KPNA2: variants seen among roughly 807,000 people sequenced by gnomAD.
KPNA2 encodes importin subunit alpha-1.
In KPNA2, 20 loss-of-function variants were observed where a neutral mutation model predicts 53.7. The ratio of observed to expected loss-of-function variants is 0.37; its 90% CI spans 0.26 to 0.54. The LOEUF is 0.54. Among genes scored for constraint, KPNA2 ranks in the 20% least tolerant of loss-of-function variants. The probability of loss-of-function intolerance (pLI) is 0.83; values close to 1 mark genes in which losing one functional copy is unlikely to be tolerated. For synonymous variants in KPNA2, 238 were observed against 227.5 expected, an observed-to-expected ratio of 1.05 and a Z score of -0.42; for missense variants, 515 against 640.3, an observed-to-expected ratio of 0.80 and a Z score of 2.11.
At chr17:68,039,783 A>G (rs141371263) in intron 3 of KPNA2, among the ~76,000 whole-genome samples, 1,850 of 147,328 alleles carry the variant, frequency 0.013, 36 homozygotes, top group African/African-American at 0.044. Flanking sequence ...TCTGTCTCCA[A>G]AAAAAAAAGT....
chr17:68,037,244 A>G (rs1555703898), intron 2 of KPNA2, 37 bp downstream of exon 2: 2 of 1,590,184 alleles, frequency 1.3e-6, no homozygotes, highest in Non-Finnish European at 1.7e-6. Context: ...GGTGGTATTT[A>G]AATGGGAAGA....
At chr17:68,043,730 T>C (rs1265769953) in intron 7 of KPNA2, 108 bp from the exon 8 acceptor site, 1 of 708,662 alleles carries the variant, frequency 1.4e-6, no homozygotes, top group African/African-American at 1.8e-5. Flanking sequence ...TATTGAAATA[T>C]TGCCTATTTC....
intron 3 of KPNA2, 147 bp downstream of exon 3, chr17:68,037,642 T>TTGTCTTCTTTCCTGCC: frequency 2.5e-6 from 2 of 792,004 alleles, no homozygotes; most frequent in South Asian, 3.6e-5. Flanking sequence ...CAATTAGTAA[T>TTGTCTTCTTTCCTGCC]TGTCTTCTTT....
At chr17:68,045,688 A>G in intron 9 of KPNA2, 84 bp from the exon 10 acceptor site, 2 of 1,008,998 alleles carry the variant, frequency 2.0e-6, no homozygotes, top group South Asian at 4.0e-5. Flanking sequence ...TGCCTGACGT[A>G]TCAATATTCA....
At position 68,040,828 on chromosome 17, in the gene KPNA2, G is replaced by GA. The variant is rs1356549142; in HGVS notation, c.302+62_302+63insA. The GA allele has an allele frequency of 3.1e-5, 22 of 710,834 alleles. No homozygotes were observed. The Admixed American group carries it at 5.7e-4, about 18-fold the overall frequency. 44.0% of individuals were successfully genotyped at this position (710,834 alleles called of 1,614,324 possible). A position where few individuals can be genotyped will look rare whatever the true frequency, so the allele number is the denominator to read the frequency against. On this transcript the variant is annotated intron_variant, in intron 4 of 10. Transcript: ENST00000330459. The stretch of plus-strand genomic sequence containing the variant: ...AATTTGTGTTTTTAGATTTTTTTTT[G>GA]GGGGGTGGGGCAGGAAGGGACAGAC...
At chr17:68,046,448 G>C in intron 10 of KPNA2, 56 bp from the exon 11 acceptor site, 1 of 1,061,536 alleles carries the variant, frequency 9.4e-7, no homozygotes, top group Non-Finnish European at 1.4e-6. Context: ...CTTCAGGTAG[G>C]CTGCTGCTTG....
intron 5 of KPNA2, among the ~76,000 whole-genome samples, chr17:68,042,678 T>A (rs568167677): frequency 4.3e-4 from 65 of 152,024 alleles, no homozygotes; most frequent in Non-Finnish European, 6.8e-4. Flanking sequence ...GTCAGGAGAT[T>A]GAGACCATCC....
At position 68,042,260 on chromosome 17, in the gene KPNA2, G is replaced by C; in HGVS notation, c.478G>C (p.Asp160His). The change falls in exon 5 of 11, where the codon GAT becomes CAT. Residue 160 changes from aspartate to histidine, a missense_variant. Coordinates refer to ENST00000330459, the MANE Select transcript of KPNA2 (RefSeq NM_002266.4). ...GTSEQTKAVV[D>H]GGAIPAFISL... The stretch of plus-strand genomic sequence containing the variant: ...ATCAGAACAAACCAAGGCTGTGGTA[G>C]ATGGAGGTGCCATCCCAGCATTCAT... 1.2e-6 allele frequency: 2 copies of C among 1,614,140 alleles called. No homozygotes were observed. The highest frequency in any genetic ancestry group is 1.7e-6 in the Non-Finnish European group (2 of 1,180,030).
At position 68,043,953 on chromosome 17, in the gene KPNA2, C is replaced by G. The variant is rs1555705037; in HGVS notation, c.1046C>G (p.Thr349Ser). The change falls in exon 8 of 11, where the codon ACT becomes AGT. Residue 349 changes from threonine (T) to serine (S), a missense_variant. Thr to Ser is a moderately conservative substitution (Grantham distance 58). Transcript: ENST00000330459. ...VFPSLLTNPK[T>S]NIQKEATWTM... ...CCCAGCCTGCTCACCAACCCCAAAA[C>G]TAACATTCAGAAGGAAGCTACGTGG... 1 of 1,613,758 alleles carries G rather than the reference C, an allele frequency of 6.2e-7. No homozygotes were observed. The highest frequency in any genetic ancestry group is 2.2e-5 in the East Asian group (1 of 44,888).
chr17:68,038,040 G>C (rs1270351712), intron 3 of KPNA2, among the ~76,000 whole-genome samples: 1 of 151,964 alleles, frequency 6.6e-6, no homozygotes, highest in African/African-American at 2.4e-5. Context: ...GCAGTGGTGC[G>C]ATCTCCGCTC....
Position 68,043,168 on chromosome 17 carries a change from G to A in KPNA2, c.735G>A (p.Pro245=), listed in dbSNP as rs782575040. The change falls in exon 7 of 11, where the codon CCG becomes CCA. Residue 245 remains proline (P), a synonymous_variant. Transcript: ENST00000330459. ...GCCGCAACAAGAATCCTGCACCCCC[G>A]ATAGATGCTGTTGAGCAGATTCTTC... ...NLCRNKNPAP[P]IDAVEQILPT... 2 of 1,613,996 alleles carry A rather than the reference G, an allele frequency of 1.2e-6. No homozygotes were observed. The highest frequency in any genetic ancestry group is 4.5e-5 in the East Asian group (2 of 44,874).
chr17:68,040,771 G>A lies in KPNA2; in HGVS notation c.302+5G>A. The A allele has an allele frequency of 1.3e-6, 2 of 1,582,414 alleles. No homozygotes were observed. Among genetic ancestry groups the A allele is most frequent in the Non-Finnish European group, 8.6e-7 (1 of 1,156,944 alleles). ...CCAAGCTACTCAAGCTGCCAGGTAA[G>A]TCTTGTCTGCGATAGCATGGGTAGC... On this transcript the variant is annotated splice_donor_5th_base_variant and intron_variant, in intron 4 of 10. Transcript: ENST00000330459.
At chr17:68,044,275 T>C (rs2071302081) in intron 8 of KPNA2, 46 bp from the exon 9 acceptor site, 6 of 1,535,914 alleles carry the variant, frequency 3.9e-6, no homozygotes, top group South Asian at 2.4e-5. Context: ...TGGAATCTTA[T>C]TTGTGCAACT....
intron 5 of KPNA2, among the ~76,000 whole-genome samples, chr17:68,042,568 T>G (rs1325673132): frequency 1.3e-5 from 2 of 152,134 alleles, no homozygotes; most frequent in African/African-American, 4.8e-5. Flanking sequence ...AAATTGATGG[T>G]GTTGGACAAG....
Position 68,045,993 on chromosome 17 carries a change from T to C in KPNA2, c.1497+72T>C, listed in dbSNP as rs191421362. The C allele has an allele frequency of 7.0e-6, 7 of 1,002,808 alleles. No individual in the cohort carries two copies. The African/African-American group carries it at 1.1e-4, about 16-fold the overall frequency. 62.1% of individuals were successfully genotyped at this position (1,002,808 alleles called of 1,614,324 possible). A position where few individuals can be genotyped will look rare whatever the true frequency, so the allele number is the denominator to read the frequency against. ...CAAGGCCATAAGCCTTTTTTTCCCT[T>C]TTAAAAATAAGTGTCATATCTTTGT... On this transcript the variant is annotated intron_variant, in intron 10 of 10. Transcript: ENST00000330459.
chr17:68,038,028 G>A (rs562346644), intron 3 of KPNA2, among the ~76,000 whole-genome samples: 12 of 152,092 alleles, frequency 7.9e-5, no homozygotes, highest in African/African-American at 2.4e-4. Context: ...CCAGGCTAGC[G>A]TGCAGTGGTG....
chr17:68,042,869 A>G, intron 5 of KPNA2, 36 bp from the exon 6 acceptor site: 1 of 1,534,218 alleles, frequency 6.5e-7, no homozygotes, highest in Non-Finnish European at 8.9e-7. Flanking sequence ...GTCTCAAAAA[A>G]AAAAAAAAAA....
chr17:68,039,966 G>A (rs2071235937), intron 3 of KPNA2, among the ~76,000 whole-genome samples: 1 of 151,534 alleles, frequency 6.6e-6, no homozygotes. Flanking sequence ...TATAATCTCA[G>A]GTACTTGGGA....
At chr17:68,044,107 A>G (rs370068175) in intron 8 of KPNA2, 36 bp downstream of exon 8, 2 of 1,532,116 alleles carry the variant, frequency 1.3e-6, no homozygotes, top group South Asian at 1.1e-5. Context: ...AGTCATTTTT[A>G]GTATTTATAG....
Sources: gnomAD v4.1 joint callset for allele counts (sites outside exome capture counted in the v4.1 genomes callset) on GRCh38, gnomAD v4.1.1 for gene constraint, MANE v1.5 for transcripts, NCBI Gene and HGNC (gene_info 2026-07-23, HGNC 2026-07-21) for gene names.